The following NNMT variants were observed in gnomAD, a reference collection of about 807,000 sequenced individuals.
NNMT encodes nicotinamide N-methyltransferase.
In NNMT, 10 loss-of-function variants were observed where a neutral mutation model predicts 11.7. The ratio of observed to expected loss-of-function variants is 0.85; its 90% CI spans 0.53 to 1.45. The LOEUF (loss-of-function observed/expected upper bound fraction) is 1.45. NNMT is among the 40% of genes most tolerant of loss of function. The pLI is 0.00. For missense variants in NNMT, 381 were observed against 319.4 expected (o/e 1.19, Z -1.47); for synonymous variants, 143 against 133.8 (o/e 1.07, Z -0.48).
At chr11:114,274,714 C>G (rs1244133691) in intron 2 of NNMT, among the ~76,000 whole-genome samples, 1 of 152,146 alleles carries the variant, frequency 6.6e-6, no homozygotes, top group Non-Finnish European at 1.5e-5. Context: ...AGCCTGGAGC[C>G]AGAAAGAAAC....
intron 1 of NNMT, among the ~76,000 whole-genome samples, chr11:114,260,576 C>T (rs1043392018): frequency 1.3e-5 from 2 of 152,330 alleles, no homozygotes; most frequent in South Asian, 2.1e-4. Context: ...TGTGGTCAAG[C>T]CCTGCTGGTT....
At chr11:114,301,857 A>T (rs1465300357) in intron 2 of NNMT, among the ~76,000 whole-genome samples, 1 of 151,846 alleles carries the variant, frequency 6.6e-6, no homozygotes, top group African/African-American at 2.4e-5. Context: ...ATTTTTAAAA[A>T]ATGACAGCTT....
At chr11:114,303,986 G>A (rs1169320084) in intron 2 of NNMT, among the ~76,000 whole-genome samples, 1 of 152,150 alleles carries the variant, frequency 6.6e-6, no homozygotes, top group Non-Finnish European at 1.5e-5. Flanking sequence ...ATTGGCTATA[G>A]CCTTCAAAGT....
intron 2 of NNMT, among the ~76,000 whole-genome samples, chr11:114,283,474 G>A (rs45589432): frequency 1.3e-5 from 2 of 152,216 alleles, no homozygotes; most frequent in Non-Finnish European, 2.9e-5. Context: ...AACACCTTGG[G>A]ATGGTTGTCT....
chr11:114,260,817 G>A (rs2135238728), intron 1 of NNMT, among the ~76,000 whole-genome samples: 1 of 152,350 alleles, frequency 6.6e-6, no homozygotes, highest in East Asian at 1.9e-4. Context: ...CCTAGAGGAA[G>A]AGGGGCAGCT....
chr11:114,263,956 G>A (rs928683524), intron 2 of NNMT, among the ~76,000 whole-genome samples: 1 of 152,100 alleles, frequency 6.6e-6, no homozygotes, highest in African/African-American at 2.4e-5. Context: ...AGGAGACAGG[G>A]CCTGTCTTTA....
chr11:114,295,782 G>C (rs1243233434), upstream of NNMT: 3 of 152,304 alleles, frequency 2.0e-5, no homozygotes, highest in African/African-American at 7.2e-5. Context: ...ATCAGGATTT[G>C]GATTGACTGA....
At position 114,296,681 on chromosome 11, in the gene NNMT, T is replaced by C; in HGVS notation, c.125T>C (p.Leu42Pro). The C allele has an allele frequency of 6.2e-7, 1 of 1,614,228 alleles. No homozygotes were observed. Among genetic ancestry groups the C allele is most frequent in the Non-Finnish European group, 8.5e-7 (1 of 1,180,026 alleles). ...GAAAGCCAGATTCTTAAGCACCTTC[T>C]GAAAAATCTTTTCAAGATATTCTGC... ...SAESQILKHL[L>P]KNLFKIFCLD... is the part of the protein sequence containing the mutation. Residue 42 changes from leucine (L) to proline (P), a missense_variant, in exon 1 of 3, where the codon CTG becomes CCG. Coordinates refer to ENST00000299964, the MANE Select transcript of NNMT (RefSeq NM_006169.3).
chr11:114,279,473 A>C (rs1384415315), intron 2 of NNMT, among the ~76,000 whole-genome samples: 1 of 152,208 alleles, frequency 6.6e-6, no homozygotes, highest in Non-Finnish European at 1.5e-5. Context: ...TAGAGGAAAC[A>C]ACACTGCTAA....
chr11:114,301,259 T>C (rs1244814711), intron 2 of NNMT, among the ~76,000 whole-genome samples: 1 of 152,176 alleles, frequency 6.6e-6, no homozygotes, highest in Non-Finnish European at 1.5e-5. Context: ...GCTGCATGTA[T>C]TACACTCCTC....
chr11:114,278,612 A>ATATGTG (rs1945233832), intron 2 of NNMT, among the ~76,000 whole-genome samples: 1 of 147,026 alleles, frequency 6.8e-6, no homozygotes. Context: ...CCTAATACTC[A>ATATGTG]TGTGTGTGTG....
In NNMT at chr11:114,276,676, G is replaced by T. The variant is rs150392908; in HGVS notation, c.-130+13742G>T. Among the ~76,000 whole-genome samples, 75 of 152,308 alleles carry T rather than the reference G, an allele frequency of 4.9e-4. No individual in the cohort carries two copies. In the South Asian group the frequency reaches 0.015, roughly 31 times the overall value. The stretch of plus-strand genomic sequence containing the variant: ...CTTCTTGTTTCAAGGGCTCTGCAGG[G>T]TTGCATAGAGAGAAGAGGGGAGAGC... On this transcript the variant is annotated intron_variant, in intron 2 of 4. Coordinates refer to the NNMT transcript ENST00000535401.
At chr11:114,294,716 A>G (rs1402609146), upstream of NNMT, among the ~76,000 whole-genome samples, 1 of 152,058 alleles carries the variant, frequency 6.6e-6, no homozygotes, top group African/African-American at 2.4e-5. Flanking sequence ...CCATAAATAT[A>G]TACACCTACT....
intron 2 of NNMT, among the ~76,000 whole-genome samples, chr11:114,286,665 G>A: frequency 6.6e-6 from 1 of 152,122 alleles, no homozygotes; most frequent in East Asian, 1.9e-4. Flanking sequence ...TTTCATTGCT[G>A]TACACTCCAA....
At chr11:114,290,607 A>T (rs1894031) in intron 2 of NNMT, among the ~76,000 whole-genome samples, 147,145 of 152,270 alleles carry the variant, frequency 0.97, 71,309 homozygotes, top group East Asian at 1. Flanking sequence ...TAACCACACA[A>T]GGCATTATTT....
intron 2 of NNMT, among the ~76,000 whole-genome samples, chr11:114,301,697 T>G (rs146719380): frequency 1.3e-5 from 2 of 152,210 alleles, no homozygotes; most frequent in African/African-American, 4.8e-5. Flanking sequence ...TGGACACATG[T>G]CATTATATAT....
intron 2 of NNMT, among the ~76,000 whole-genome samples, chr11:114,304,110 T>C (rs1206713346): frequency 6.6e-6 from 1 of 152,184 alleles, no homozygotes; most frequent in Non-Finnish European, 1.5e-5. Context: ...CTATGACAAT[T>C]TGGACAATAT....
intron 2 of NNMT, among the ~76,000 whole-genome samples, chr11:114,288,424 T>C (rs574585821): frequency 6.7e-6 from 1 of 149,258 alleles, no homozygotes; most frequent in Non-Finnish European, 1.5e-5. Flanking sequence ...TGAATGGATA[T>C]AGAATTTAAG....
chr11:114,296,546 A>G lies in NNMT; in HGVS notation c.-11A>G, dbSNP rs1177632787. 1 of 1,613,246 alleles carries G rather than the reference A, an allele frequency of 6.2e-7. No individual in the cohort carries two copies. The highest frequency in any genetic ancestry group is 8.5e-7 in the Non-Finnish European group (1 of 1,179,848). ...GAGGGCAGTGCTCCAGTGGTACAGA[A>G]GTGAGACATAATGGAATCAGGCTTC... On this transcript the variant is annotated 5_prime_UTR_variant, in exon 1 of 3. Transcript: ENST00000299964.
Sources: gnomAD v4.1 joint callset for allele counts (sites outside exome capture counted in the v4.1 genomes callset) on GRCh38, gnomAD v4.1.1 for gene constraint, MANE v1.5 for transcripts, NCBI Gene and HGNC (gene_info 2026-07-23, HGNC 2026-07-21) for gene names.